The following DRD3 variants were observed in gnomAD, a reference collection of about 807,000 sequenced individuals.
DRD3 encodes D(3) dopamine receptor.
DRD3 carries 19 observed loss-of-function variants against 36.3 expected under a neutral mutation model. The observed-to-expected ratio is 0.52, with a 90% CI of 0.36 to 0.77. DRD3 has a LOEUF of 0.77. DRD3 is among the 30% of genes least tolerant of loss of function. The pLI is 0.00. For synonymous variants in DRD3, 195 were observed against 203.7 expected (o/e 0.96, Z 0.36); for missense variants, 465 against 505.3 (o/e 0.92, Z 0.77).
Position 114,131,155 on chromosome 3 carries a change from C to T in DRD3, c.969G>A (p.Arg323=). 1.2e-6 allele frequency: 2 copies of T among 1,614,138 alleles called. No homozygotes were observed. Among genetic ancestry groups the T allele is most frequent in the Non-Finnish European group, 1.7e-6 (2 of 1,180,002 alleles). The change falls in exon 6 of 7, where the codon CGG becomes CGA. Residue 323 remains arginine, a synonymous_variant. Coordinates refer to ENST00000383673, the MANE Select transcript of DRD3 (RefSeq NM_000796.6). ...CCACCATTTGGGTTGCCTTCTTCTCCCGAAGTGGCACTCCCCGAGGTTGCA... is the reference window on the plus strand; with the variant it reads ...CCACCATTTGGGTTGCCTTCTTCTCTCGAAGTGGCACTCCCCGAGGTTGCA... ...GPLQPRGVPL[R]EKKATQMVAI...
At chr3:114,199,058 G>C (rs1348661671) in intron 1 of DRD3, among the ~76,000 whole-genome samples, 1 of 152,124 alleles carries the variant, frequency 6.6e-6, no homozygotes, top group East Asian at 1.9e-4. Flanking sequence ...AATTATACCT[G>C]TTATATAGAA....
chr3:114,146,534 A>T (rs1306713306), intron 4 of DRD3, among the ~76,000 whole-genome samples: 1 of 151,896 alleles, frequency 6.6e-6, no homozygotes, highest in East Asian at 1.9e-4. Flanking sequence ...CCTGGCCAAC[A>T]GGGTAAAATA....
chr3:114,181,546 GA>G (rs1253926221), upstream of DRD3, among the ~76,000 whole-genome samples: 8 of 152,196 alleles, frequency 5.3e-5, no homozygotes, highest in African/African-American at 1.7e-4. Context: ...GATGCCTACA[GA>G]AGAGATATGC....
Position 114,134,233 on chromosome 3 carries a change from C to T in DRD3, c.724-2833G>A, listed in dbSNP as rs138894404. Among the ~76,000 whole-genome samples the T allele has an allele frequency of 2.6e-4, 39 of 152,154 alleles. No individual in the cohort carries two copies. The East Asian group carries it at 6.4e-3, about 25-fold the overall frequency. ...CTCAGAATGAATGAATGAATGCAAG[C>T]GGTCTTCAAGACTATTTAGTGTTAT... is the stretch of plus-strand genomic sequence containing the variant. On this transcript the variant is annotated intron_variant, in intron 5 of 6. Transcript: ENST00000383673.
chr3:114,165,988 T>C (rs1436591370), intron 2 of DRD3, among the ~76,000 whole-genome samples: 1 of 53,762 alleles, frequency 1.9e-5, no homozygotes. Context: ...ACAGTTTGTA[T>C]TTTTTTTTTT....
chr3:114,191,372 A>C (rs1269477030), intron 1 of DRD3, among the ~76,000 whole-genome samples: 3 of 152,214 alleles, frequency 2.0e-5, no homozygotes, highest in Admixed American at 2.0e-4. Context: ...GGTCAGTGGG[A>C]AGAGTATTCC....
intron 3 of DRD3, among the ~76,000 whole-genome samples, chr3:114,156,931 C>G (rs933790147): frequency 3.6e-5 from 5 of 139,260 alleles, no homozygotes; most frequent in Non-Finnish European, 7.7e-5. Context: ...TTCCTTCCTT[C>G]TCTTTCTTTC....
intron 2 of DRD3, among the ~76,000 whole-genome samples, chr3:114,168,112 G>T (rs1416717400): frequency 6.6e-6 from 1 of 152,204 alleles, no homozygotes; most frequent in Non-Finnish European, 1.5e-5. Context: ...GCCAATTGGA[G>T]TTAAGCTGTT....
At position 114,174,509 on chromosome 3, in the gene DRD3, C is replaced by T. The variant is rs535814358; in HGVS notation, c.-35-2482G>A. Among the ~76,000 whole-genome samples the T allele has an allele frequency of 2.0e-5, 3 of 152,358 alleles. No individual in the cohort carries two copies. The South Asian group carries it at 6.2e-4, about 32-fold the overall frequency. ...GGCTAATTATACGAAGGGAAACCCTCAACTCTGAAAATCAATTCTGAGCCT... is the reference window on the plus strand; with the variant it reads ...GGCTAATTATACGAAGGGAAACCCTTAACTCTGAAAATCAATTCTGAGCCT... On this transcript the variant is annotated intron_variant, in intron 1 of 6. Transcript: ENST00000383673.
At chr3:114,156,773 TTCTTTC>T (rs2077678076) in intron 3 of DRD3, among the ~76,000 whole-genome samples, 2 of 126,882 alleles carry the variant, frequency 1.6e-5, no homozygotes, top group South Asian at 5.0e-4. Context: ...CTTTCTTTCT[TTCTTTC>T]TTTCTTTCTT....
chr3:114,167,882 A>T lies in DRD3; in HGVS notation c.270+3841T>A, dbSNP rs1004573574. ...TTCTACTAGAAATTCTAAGAAAAGG[A>T]TTTTCTCTCTTGCTGTGAATGGTGT... On this transcript the variant is annotated intron_variant, in intron 2 of 6. Transcript: ENST00000383673. 2.7e-4 allele frequency among the ~76,000 whole-genome samples: 41 copies of T among 152,104 alleles called. 1 individual carries two copies. The highest frequency in any genetic ancestry group is 5.9e-5 in the Non-Finnish European group (4 of 68,018).
chr3:114,157,377 C>T (rs1443533238), intron 3 of DRD3, among the ~76,000 whole-genome samples: 5 of 152,104 alleles, frequency 3.3e-5, no homozygotes, highest in African/African-American at 1.2e-4. Context: ...TCAATTTCAT[C>T]TCTTCCCAGG....
At chr3:114,139,370 A>G in intron 5 of DRD3, 130 bp downstream of exon 5, 1 of 886,492 alleles carries the variant, frequency 1.1e-6, no homozygotes, top group Non-Finnish European at 1.7e-6. Flanking sequence ...CAAAATTAGC[A>G]GATTCCAAAG....
intron 2 of DRD3, among the ~76,000 whole-genome samples, chr3:114,170,113 A>T (rs1332926085): frequency 6.6e-6 from 1 of 152,172 alleles, no homozygotes; most frequent in Non-Finnish European, 1.5e-5. Context: ...GTTGCACCTA[A>T]AGCGCCTCAT....
chr3:114,164,784 G>A (rs1391008531), intron 2 of DRD3, among the ~76,000 whole-genome samples: 3 of 151,990 alleles, frequency 2.0e-5, no homozygotes, highest in South Asian at 2.1e-4. Flanking sequence ...ATGGAGTCTC[G>A]CGCTGTCGCC....
intron 3 of DRD3, among the ~76,000 whole-genome samples, chr3:114,152,683 G>A (rs1256535240): frequency 6.6e-6 from 1 of 152,214 alleles, no homozygotes; most frequent in African/African-American, 2.4e-5. Context: ...GGGCTCTCCA[G>A]GCTCTGTGGG....
chr3:114,135,605 TA>T (rs562391768), intron 5 of DRD3, among the ~76,000 whole-genome samples: 283 of 152,366 alleles, frequency 1.9e-3, no homozygotes, highest in African/African-American at 6.2e-3. Context: ...CATTTTCTAA[TA>T]ATTAAAATAA....
intron 2 of DRD3, among the ~76,000 whole-genome samples, chr3:114,160,082 G>A (rs1391176191): frequency 6.6e-6 from 1 of 152,176 alleles, no homozygotes; most frequent in Non-Finnish European, 1.5e-5. Flanking sequence ...ATGTTAGAAT[G>A]CTAATGCTGG....
At chr3:114,142,274 A>C (rs11929108) in intron 4 of DRD3, among the ~76,000 whole-genome samples, 10,534 of 151,944 alleles carry the variant, frequency 0.069, 738 homozygotes, top group African/African-American at 0.18. Flanking sequence ...TGGTTTTAAA[A>C]CCTGCCTGTG....
Sources: allele counts gnomAD v4.1 joint callset (sites outside exome capture counted in the v4.1 genomes callset), GRCh38; gene constraint gnomAD v4.1.1; transcripts MANE v1.5; gene names NCBI Gene and HGNC (gene_info 2026-07-23, HGNC 2026-07-21).